Variants in MRPS27 observed in about 807,000 individuals in gnomAD.
MRPS27 encodes the protein small ribosomal subunit protein mS27.
A neutral mutation model predicts 48.9 loss-of-function variants in MRPS27; 43 were observed. The observed-to-expected ratio is 0.88, with a 90% CI of 0.69 to 1.13. MRPS27 has a LOEUF of 1.13. Ranked by LOEUF, MRPS27 falls within the 50% of genes most tolerant of loss-of-function variation. MRPS27 has a pLI of 0.00. For synonymous variants in MRPS27, 188 were observed against 171.9 expected (o/e 1.09, Z -0.73); for missense variants, 467 against 476.3 (o/e 0.98, Z 0.18).
chr5:72,302,628 T>C (rs1182675007), intron 2 of MRPS27, among the ~76,000 whole-genome samples: 1 of 152,230 alleles, frequency 6.6e-6, no homozygotes, highest in Non-Finnish European at 1.5e-5. Flanking sequence ...AAGGTAGATG[T>C]AACTGTCAGA....
chr5:72,247,645 A>C (rs1748542648), intron 4 of MRPS27, among the ~76,000 whole-genome samples: 2 of 152,232 alleles, frequency 1.3e-5, no homozygotes, highest in South Asian at 4.1e-4. Context: ...GTTTTATAGA[A>C]AATAAAATTT....
At chr5:72,283,058 TTA>T (rs1242596989) in intron 4 of MRPS27, among the ~76,000 whole-genome samples, 2 of 152,122 alleles carry the variant, frequency 1.3e-5, no homozygotes, top group Non-Finnish European at 2.9e-5. Context: ...TTAAGAAACA[TTA>T]TGTTTTAGCT....
intron 2 of MRPS27, among the ~76,000 whole-genome samples, chr5:72,309,351 T>C (rs1750374962): frequency 6.6e-6 from 1 of 151,924 alleles, no homozygotes; most frequent in African/African-American, 2.4e-5. Flanking sequence ...CTGCAACCTC[T>C]GCCTCCCGGG....
chr5:72,232,312 G>A (rs1161363648), intron 7 of MRPS27, 131 bp downstream of exon 7: 1 of 564,626 alleles, frequency 1.8e-6, no homozygotes, highest in African/African-American at 2.0e-5. Context: ...TAACCAAAAT[G>A]TATACAATAA....
intron 4 of MRPS27, among the ~76,000 whole-genome samples, chr5:72,255,298 G>A (rs192067352): frequency 8.6e-4 from 130 of 152,044 alleles, no homozygotes; most frequent in African/African-American, 2.9e-3. Flanking sequence ...TAATCCACCC[G>A]CCTTGGACTC....
intron 8 of MRPS27, chr5:72,227,943 A>C (rs1196359200): frequency 2.7e-6 from 1 of 364,792 alleles, no homozygotes; most frequent in Non-Finnish European, 4.9e-6. Context: ...TAATACTGGA[A>C]AAGATTCTAC....
At chr5:72,237,784 T>C (rs556433891) in intron 5 of MRPS27, among the ~76,000 whole-genome samples, 3 of 152,196 alleles carry the variant, frequency 2.0e-5, no homozygotes, top group East Asian at 1.9e-4. Flanking sequence ...CTTTTGCTTA[T>C]ACCTGTCCTT....
At chr5:72,298,760 C>T (rs1248992555) in intron 2 of MRPS27, among the ~76,000 whole-genome samples, 1 of 149,430 alleles carries the variant, frequency 6.7e-6, no homozygotes, top group African/African-American at 2.5e-5. Flanking sequence ...TTTGATTCAG[C>T]AATCCCATTA....
intron 4 of MRPS27, among the ~76,000 whole-genome samples, chr5:72,242,705 C>CACACACACACAT (rs1748392606): frequency 6.9e-6 from 1 of 145,348 alleles, no homozygotes; most frequent in African/African-American, 2.6e-5. Context: ...CACACACACA[C>CACACACACACAT]ACTCACGGCA....
chr5:72,268,859 T>C (rs1005024916), intron 4 of MRPS27, among the ~76,000 whole-genome samples: 5 of 152,218 alleles, frequency 3.3e-5, no homozygotes, highest in South Asian at 2.1e-4. Flanking sequence ...AGGGGGTCAA[T>C]TGAACTTTAG....
At chr5:72,236,353 C>T (rs1748198480) in intron 5 of MRPS27, among the ~76,000 whole-genome samples, 1 of 152,098 alleles carries the variant, frequency 6.6e-6, no homozygotes, top group Non-Finnish European at 1.5e-5. Context: ...AAACTAAGAG[C>T]TAGAAGAATA....
rs1749386955 is a variant in MRPS27, at chr5:72,276,811, C to A, written c.281+18720G>T. 2.0e-5 allele frequency among the ~76,000 whole-genome samples: 3 copies of A among 151,912 alleles called. No individual in the cohort carries two copies. The South Asian group carries it at 6.2e-4, about 31-fold the overall frequency. On this transcript the variant is annotated intron_variant, in intron 4 of 10. Coordinates refer to ENST00000261413, the MANE Select transcript of MRPS27 (RefSeq NM_015084.3). Reference sequence around the variant, plus strand: ...CTCTGTGAGGCCGAGGCGGGTGGATCACGAGGTCAGGAGATCGAGACCATC... The same window carrying A: ...CTCTGTGAGGCCGAGGCGGGTGGATAACGAGGTCAGGAGATCGAGACCATC...
At chr5:72,305,264 T>C (rs564519258) in intron 2 of MRPS27, among the ~76,000 whole-genome samples, 14 of 152,104 alleles carry the variant, frequency 9.2e-5, no homozygotes, top group African/African-American at 3.4e-4. Context: ...ATATGGAAAC[T>C]GGAAAATGAA....
chr5:72,273,928 A>G (rs570458891), intron 4 of MRPS27, among the ~76,000 whole-genome samples: 2 of 152,340 alleles, frequency 1.3e-5, no homozygotes, highest in East Asian at 3.9e-4. Context: ...ACTTTTCTGT[A>G]GTAACACTTA....
chr5:72,261,940 A>C (rs1748990882), intron 4 of MRPS27, among the ~76,000 whole-genome samples: 1 of 152,184 alleles, frequency 6.6e-6, no homozygotes. Context: ...CCCAGGACCA[A>C]AGGGTGATGC....
chr5:72,226,710 A>C (rs1458906518), intron 8 of MRPS27, among the ~76,000 whole-genome samples: 6 of 147,062 alleles, frequency 4.1e-5, no homozygotes, highest in South Asian at 2.2e-4. Flanking sequence ...AAAAAAAAAA[A>C]CCCCTCATCT....
At chr5:72,242,966 A>T (rs1407158808) in intron 4 of MRPS27, among the ~76,000 whole-genome samples, 3 of 152,174 alleles carry the variant, frequency 2.0e-5, no homozygotes, top group Non-Finnish European at 4.4e-5. Context: ...CACATGAATG[A>T]GCAAGCTTTC....
At chr5:72,270,892 G>T (rs1379455082) in intron 4 of MRPS27, among the ~76,000 whole-genome samples, 1 of 152,140 alleles carries the variant, frequency 6.6e-6, no homozygotes, top group Non-Finnish European at 1.5e-5. Flanking sequence ...GAAAACTCAT[G>T]TAATTGTCTA....
intron 4 of MRPS27, among the ~76,000 whole-genome samples, chr5:72,283,980 A>G (rs1323773687): frequency 6.6e-6 from 1 of 151,976 alleles, no homozygotes; most frequent in Non-Finnish European, 1.5e-5. Flanking sequence ...TTTTTTCTCT[A>G]TATGCATAGA....
Sources: allele counts gnomAD v4.1 joint callset (sites outside exome capture counted in the v4.1 genomes callset), GRCh38; gene constraint gnomAD v4.1.1; transcripts MANE v1.5; gene names NCBI Gene and HGNC (gene_info 2026-07-23, HGNC 2026-07-21).